PDE6C: variants seen among roughly 807,000 people sequenced by gnomAD.
PDE6C encodes the protein cone cGMP-specific 3',5'-cyclic phosphodiesterase subunit alpha'.
A neutral mutation model predicts 113.1 loss-of-function variants in PDE6C; 75 were observed. The ratio of observed to expected loss-of-function variants is 0.66; its 90% CI spans 0.55 to 0.80. The LOEUF (loss-of-function observed/expected upper bound fraction) is 0.80. Among genes scored for constraint, PDE6C ranks in the 30% least tolerant of loss-of-function variants. The pLI, the probability that PDE6C is intolerant of heterozygous loss-of-function variation, is 0.00. For missense variants in PDE6C, 912 were observed against 1,038.6 expected, an observed-to-expected ratio of 0.88 and a Z score of 1.67; for synonymous variants, 375 against 363.7, an observed-to-expected ratio of 1.03 and a Z score of -0.35.
chr10:93,619,011 A>G (rs1457556307), intron 1 of PDE6C, among the ~76,000 whole-genome samples: 1 of 152,244 alleles, frequency 6.6e-6, no homozygotes, highest in Non-Finnish European at 1.5e-5. Flanking sequence ...CTCAGAGTTA[A>G]GGCTGAAGTT....
chr10:93,646,038 G>A lies in PDE6C; in HGVS notation c.1926G>A (p.Leu642=). 1 of 1,577,148 alleles carries A rather than the reference G, an allele frequency of 6.3e-7. No homozygotes were observed. Among genetic ancestry groups the A allele is most frequent in the South Asian group, 1.1e-5 (1 of 90,336 alleles). The stretch of plus-strand genomic sequence containing the variant: ...ACCTGGAGTACAGTAAGACTCTGTT[G>A]CAGGATGAGGTACGTAAACCTCTCT... The part of the protein sequence containing the change: ...RHHLEYSKTL[L]QDESLNIFQN... Residue 642 remains leucine (L), a synonymous_variant, in exon 15 of 22, where the codon TTG becomes TTA. Transcript: ENST00000371447.
At position 93,613,156 on chromosome 10, in the gene PDE6C, G is replaced by T; in HGVS notation, c.431G>T (p.Gly144Val). The change falls in exon 1 of 22, where the codon GGT (glycine) becomes GTT (valine). Residue 144 changes from glycine (G) to valine (V), a missense_variant. By Grantham distance (109) the Gly-to-Val change is moderately radical (BLOSUM62 -3). Transcript: ENST00000371447. ...TTTCCATTGGACATTGGGATAGTGGGTTGGGCTGCTCACACGAAGAAAACT... is the reference window on the plus strand; with the variant it reads ...TTTCCATTGGACATTGGGATAGTGGTTTGGGCTGCTCACACGAAGAAAACT... Reference protein sequence around the residue: ...VVFPLDIGIVGWAAHTKKTHN... With the variant: ...VVFPLDIGIVVWAAHTKKTHN... 6.2e-7 allele frequency: 1 copy of T among 1,614,008 alleles called. No homozygotes were observed. Among genetic ancestry groups the T allele is most frequent in the Non-Finnish European group, 8.5e-7 (1 of 1,180,036 alleles).
At chr10:93,662,190 C>A (rs759784302) in intron 19 of PDE6C, 57 bp downstream of exon 19, 1 of 1,123,478 alleles carries the variant, frequency 8.9e-7, no homozygotes, top group Non-Finnish European at 1.4e-6. Flanking sequence ...ACAGGCCGGG[C>A]GCGGTGGCTC....
intron 19 of PDE6C, 132 bp downstream of exon 19, chr10:93,662,265 C>A: frequency 2.8e-6 from 2 of 723,746 alleles, no homozygotes; most frequent in Non-Finnish European, 5.0e-6. Flanking sequence ...AAGATCGAGA[C>A]CATCCTGACC....
chr10:93,625,448 T>A (rs747744070), intron 4 of PDE6C, 127 bp from the exon 5 acceptor site: 26 of 716,294 alleles, frequency 3.6e-5, no homozygotes, highest in Non-Finnish European at 6.3e-5. Context: ...GAATTGTAGA[T>A]CTTTCAGCAC....
At position 93,640,810 on chromosome 10, in the gene PDE6C, A is replaced by C; in HGVS notation, c.1738-110A>C. ...ACAATACTCACAACAAATAAAGTGAACTTGCTCCAGAAACCTAGTGGGCCT... is the reference window on the plus strand; with the variant it reads ...ACAATACTCACAACAAATAAAGTGACCTTGCTCCAGAAACCTAGTGGGCCT... On this transcript the variant is annotated intron_variant, in intron 13 of 21. Coordinates refer to ENST00000371447, the MANE Select transcript of PDE6C (RefSeq NM_006204.4). 18 of 765,502 alleles carry C rather than the reference A, an allele frequency of 2.4e-5. No individual in the cohort carries two copies. The South Asian group carries it at 2.5e-4, about 11-fold the overall frequency. 47.4% of individuals were successfully genotyped at this position (765,502 alleles called of 1,614,324 possible).
At chr10:93,621,800 A>G (rs916255137) in intron 3 of PDE6C, 132 bp from the exon 4 acceptor site, 4 of 825,918 alleles carry the variant, frequency 4.8e-6, no homozygotes, top group Non-Finnish European at 8.0e-6. Context: ...CACATGTTCA[A>G]AATCAGAATT....
At position 93,633,652 on chromosome 10, in the gene PDE6C, C is replaced by T. The variant is rs1217076796; in HGVS notation, c.1120-1106C>T. ...CTTCAGCAACTGCCCCAGTTCCTGG[C>T]ATACCACAGAGGCTTGACAAATGTT... On this transcript the variant is annotated intron_variant, in intron 8 of 21. Transcript: ENST00000371447. Among the ~76,000 whole-genome samples the T allele has an allele frequency of 2.0e-5, 3 of 152,010 alleles. No homozygotes were observed. In the East Asian group the frequency reaches 5.8e-4, roughly 29 times the overall value.
At chr10:93,619,149 C>T (rs984859420) in intron 1 of PDE6C, among the ~76,000 whole-genome samples, 1 of 152,158 alleles carries the variant, frequency 6.6e-6, no homozygotes, top group Non-Finnish European at 1.5e-5. Flanking sequence ...CCTTCCTTGA[C>T]CTTTTTCTCA....
chr10:93,640,720 A>G (rs2058555511), intron 13 of PDE6C, among the ~76,000 whole-genome samples, 163 bp downstream of exon 13: 1 of 152,146 alleles, frequency 6.6e-6, no homozygotes, highest in Non-Finnish European at 1.5e-5. Flanking sequence ...CACCGGTGGG[A>G]TGATCATTCA....
intron 12 of PDE6C, 36 bp downstream of exon 12, chr10:93,640,252 C>A: frequency 1.9e-6 from 3 of 1,582,022 alleles, no homozygotes; most frequent in South Asian, 1.1e-5. Context: ...CTGTGTGATT[C>A]TGTGGCTCTG....
At chr10:93,640,583 T>G (rs969063243) in intron 13 of PDE6C, 26 bp downstream of exon 13, 28 of 1,397,466 alleles carry the variant, frequency 2.0e-5, no homozygotes, top group Non-Finnish European at 2.7e-5. Flanking sequence ...TGTAAATCCT[T>G]GTAAACCTGC....
At chr10:93,661,006 C>A (rs968697692) in intron 18 of PDE6C, among the ~76,000 whole-genome samples, 1 of 152,108 alleles carries the variant, frequency 6.6e-6, no homozygotes, top group Non-Finnish European at 1.5e-5. Flanking sequence ...GAAGTAAAGT[C>A]TATTTTCTCC....
Position 93,620,912 on chromosome 10 carries a change from T to A in PDE6C, c.655T>A (p.Phe219Ile). 6.2e-7 allele frequency: 1 copy of A among 1,614,086 alleles called. No individual in the cohort carries two copies. Among genetic ancestry groups the A allele is most frequent in the Non-Finnish European group, 8.5e-7 (1 of 1,179,944 alleles). Residue 219 changes from phenylalanine (F) to isoleucine (I), a missense_variant, in exon 3 of 22, where the codon TTT (phenylalanine) becomes ATT (isoleucine). Physicochemically the swap from Phe to Ile is conservative, Grantham distance 21. Coordinates refer to ENST00000371447, the MANE Select transcript of PDE6C (RefSeq NM_006204.4). Reference sequence around the variant, plus strand: ...GTAGGTCTTTTCCAAATACCTCAACTTTGTGTCTATCATCCTAAGGCTTCA... The same window carrying A: ...GTAGGTCTTTTCCAAATACCTCAACATTGTGTCTATCATCCTAAGGCTTCA... ...DEEVFSKYLNFVSIILRLHHT... is the reference protein window; with the variant it reads ...DEEVFSKYLNIVSIILRLHHT...
intron 10 of PDE6C, among the ~76,000 whole-genome samples, chr10:93,636,380 G>C (rs1485619971): frequency 4.7e-5 from 7 of 148,020 alleles, no homozygotes; most frequent in South Asian, 2.1e-4. Flanking sequence ...GTGTGTGTGT[G>C]TGTGTGTGTG....
intron 18 of PDE6C, among the ~76,000 whole-genome samples, chr10:93,660,350 A>T (rs891472244): frequency 1.3e-5 from 2 of 152,198 alleles, no homozygotes; most frequent in Non-Finnish European, 2.9e-5. Context: ...ATAGTCATGG[A>T]GAAATAGAAT....
intron 15 of PDE6C, among the ~76,000 whole-genome samples, chr10:93,649,466 T>C (rs2058599700): frequency 6.6e-6 from 1 of 152,152 alleles, no homozygotes; most frequent in African/African-American, 2.4e-5. Context: ...ATGAACCTCA[T>C]TGCAGTCACC....
intron 4 of PDE6C, among the ~76,000 whole-genome samples, chr10:93,622,734 T>C (rs780279069): frequency 6.7e-6 from 1 of 150,246 alleles, no homozygotes; most frequent in Non-Finnish European, 1.5e-5. Context: ...AATCATACAG[T>C]ATGTAGCTTT....
chr10:93,664,756 C>T (rs539913196), intron 21 of PDE6C, among the ~76,000 whole-genome samples: 1 of 152,320 alleles, frequency 6.6e-6, no homozygotes. Flanking sequence ...TATTTTCTAT[C>T]ACCAGGCATG....
Sources: allele counts gnomAD v4.1 joint callset (sites outside exome capture counted in the v4.1 genomes callset), GRCh38; gene constraint gnomAD v4.1.1; transcripts MANE v1.5; gene names NCBI Gene and HGNC (gene_info 2026-07-23, HGNC 2026-07-21).